The following ZNF692 variants were observed in gnomAD, a reference collection of about 807,000 sequenced individuals.
The protein encoded by ZNF692 is zinc finger protein 692, also known as AICAR responsive element binding protein.
ZNF692 carries 41 observed loss-of-function variants against 49.0 expected under a neutral mutation model. That is an observed-to-expected ratio of 0.84 (90% CI 0.65 to 1.08). The LOEUF (loss-of-function observed/expected upper bound fraction) is 1.08, where lower values mean the gene tolerates loss of function less well. Ranked by LOEUF, ZNF692 falls within the 50% of genes least tolerant of loss-of-function variation. The pLI, the probability that ZNF692 is intolerant of heterozygous loss-of-function variation, is 0.00. For synonymous variants in ZNF692, 288 were observed against 251.5 expected (o/e 1.15, Z -1.37); for missense variants, 662 against 662.2 (o/e 1.00, Z 0.00).
In ZNF692 at chr1:248,857,385, C is replaced by T. The variant is rs763342485; in HGVS notation, c.324G>A (p.Gly108=). The change falls in exon 4 of 12, where the codon GGG becomes GGA. Residue 108 remains glycine (G), a synonymous_variant. Coordinates refer to ENST00000306601, the MANE Select transcript of ZNF692 (RefSeq NM_017865.4). The part of the protein sequence containing the change: ...PGLRGPGGQD[G]GLVWECSAGH... ...CTGCTGAGCACTCCCACACAAGCCC[C>T]CCATCTTGGCCGCCAGGCCCCCGAA... 20 of 1,614,168 alleles carry T rather than the reference C, an allele frequency of 1.2e-5. No homozygotes were observed. The South Asian group carries it at 1.9e-4, about 15-fold the overall frequency.
In ZNF692 at chr1:248,857,827, C is replaced by A. The variant is rs777239581; in HGVS notation, c.211+1G>T. On this transcript the variant is annotated splice_donor_variant, in intron 3 of 11. Transcript: ENST00000306601. LOFTEE classifies it high-confidence loss of function. ...CTCACCCCCTGCCATCCCCTACCTA[C>A]CTGCACAGAGGACACAGCCTGAAGA... The A allele has an allele frequency of 1.2e-6, 2 of 1,614,026 alleles. No homozygotes were observed. Among genetic ancestry groups the A allele is most frequent in the East Asian group, 4.5e-5 (2 of 44,880 alleles).
intron 9 of ZNF692, chr1:248,854,313 C>T (rs1473197907): frequency 7.2e-6 from 3 of 417,516 alleles, no homozygotes; most frequent in East Asian, 8.9e-5. Context: ...ATCTCACCTC[C>T]TTGTCACACT....
At chr1:248,853,613 T>C (rs1251859870) in intron 10 of ZNF692, among the ~76,000 whole-genome samples, 1 of 152,248 alleles carries the variant, frequency 6.6e-6, no homozygotes, top group Admixed American at 6.5e-5. Context: ...AACTCCTCCT[T>C]ATGCTCTCCT....
At chr1:248,851,832 T>A (rs1659636671) in intron 10 of ZNF692, among the ~76,000 whole-genome samples, 1 of 152,226 alleles carries the variant, frequency 6.6e-6, no homozygotes, top group African/African-American at 2.4e-5. Context: ...ACATCCTGGT[T>A]CATGCCAGGG....
chr1:248,857,484 CA>C lies in ZNF692; in HGVS notation c.224del (p.Leu75CysfsTer52). ...GCVLCAGPEP[L>X]PPKGLQYLVL... ...CCAGATACTGCAGACCTTTTGGAGG[CA>C]AAGGCTCAGGACCTGGAGGGGTGGG... is the stretch of plus-strand genomic sequence containing the variant. On this transcript the variant is annotated frameshift_variant, in exon 4 of 12. Transcript: ENST00000306601. LOFTEE classifies it high-confidence loss of function. 6.2e-7 allele frequency: 1 copy of C among 1,613,168 alleles called. No homozygotes were observed. Among genetic ancestry groups the C allele is most frequent in the Non-Finnish European group, 8.5e-7 (1 of 1,179,646 alleles).
At position 248,855,261 on chromosome 1, in the gene ZNF692, G is replaced by A. The variant is rs78435568; in HGVS notation, c.1038+119C>T. On this transcript the variant is annotated intron_variant, in intron 9 of 11. Transcript: ENST00000306601. The stretch of plus-strand genomic sequence containing the variant: ...GGACCAAAAGACTTTATACATGTCA[G>A]GTACCCTCTGCTTCCTGGTTCTGAA... 2.2e-3 allele frequency: 1,998 copies of A among 925,020 alleles called. 33 individuals are homozygous for A. In the African/African-American group the frequency reaches 0.029, roughly 13 times the overall value. 57.3% of individuals were successfully genotyped at this position (925,020 alleles called of 1,614,324 possible).
chr1:248,858,684 T>C lies in ZNF692; in HGVS notation c.-13+234A>G. ...TTCATCTTGAATAGGGCAGCGGCCT[T>C]TACTGGTTTCTAGGGGAAGGAAAGG... On this transcript the variant is annotated intron_variant, in intron 1 of 11. Transcript: ENST00000306601. This position sits in a 1 kb window ranked among gnomAD's most constrained non-coding sequence, Gnocchi z 4.3. 1 of 878,802 alleles carries C rather than the reference T, an allele frequency of 1.1e-6. No homozygotes were observed. The highest frequency in any genetic ancestry group is 3.1e-4 in the Middle Eastern group (1 of 3,210). 54.4% of individuals were successfully genotyped at this position (878,802 alleles called of 1,614,324 possible). A position where few individuals can be genotyped will look rare whatever the true frequency, so the allele number is the denominator to read the frequency against.
intron 9 of ZNF692, chr1:248,854,297 T>C: frequency 2.2e-6 from 1 of 452,488 alleles, no homozygotes; most frequent in South Asian, 2.6e-5. Context: ...GTGCTTTACT[T>C]CCATTATCTC....
chr1:248,852,917 C>T (rs1322680913), intron 10 of ZNF692, among the ~76,000 whole-genome samples: 2 of 152,168 alleles, frequency 1.3e-5, no homozygotes, highest in Admixed American at 6.6e-5. Flanking sequence ...TCATGACCCA[C>T]ACATTTATAT....
chr1:248,857,902 C>A, intron 2 of ZNF692, 43 bp from the exon 3 acceptor site: 7 of 1,608,774 alleles, frequency 4.4e-6, no homozygotes, highest in Non-Finnish European at 5.9e-6. Context: ...AGGTGGCCAG[C>A]CACCCTCAGC....
At chr1:248,850,537 G>T in intron 11 of ZNF692, 21 bp from the exon 12 acceptor site, 3 of 1,596,088 alleles carry the variant, frequency 1.9e-6, no homozygotes, top group Non-Finnish European at 1.7e-6. Flanking sequence ...GGACAGAAGA[G>T]GGAAGGAACA....
Position 248,855,601 on chromosome 1 carries a change from C to G in ZNF692, c.916G>C (p.Ala306Pro). The G allele has an allele frequency of 6.2e-7, 1 of 1,614,188 alleles. No homozygotes were observed. The highest frequency in any genetic ancestry group is 1.1e-5 in the South Asian group (1 of 91,080). ...ATTTGTGCAGTGTCCTCATCCCAGG[C>G]CGGGGTTGGAGCAGACTGGGCCTGA... is the stretch of plus-strand genomic sequence containing the variant. The part of the protein sequence containing the change: ...GSQAQSAPTP[A>P]WDEDTAQIGP... The change falls in exon 8 of 12, where the codon GCC (alanine) becomes CCC (proline). Residue 306 changes from alanine to proline, a missense_variant. Ala to Pro is a conservative substitution (Grantham distance 27). Coordinates refer to ENST00000306601, the MANE Select transcript of ZNF692 (RefSeq NM_017865.4).
chr1:248,851,554 AAC>A (rs1659596966), intron 10 of ZNF692, among the ~76,000 whole-genome samples: 1 of 151,754 alleles, frequency 6.6e-6, no homozygotes, highest in Non-Finnish European at 1.5e-5. Context: ...AGACCACACA[AAC>A]ACACACCTGC....
Position 248,850,443 on chromosome 1 carries a change from C to T in ZNF692, c.1327G>A (p.Val443Met). 2 of 1,613,936 alleles carry T rather than the reference C, an allele frequency of 1.2e-6. No homozygotes were observed. Among genetic ancestry groups the T allele is most frequent in the South Asian group, 1.1e-5 (1 of 91,056 alleles). ...NWHQRKHAET[V>M]AALRFPCEFC... ...TCACAGGGGAAGCGCAAGGCAGCCACCGTCTCTGCATGCTTGCGCTGGTGC... is the reference window on the plus strand; with the variant it reads ...TCACAGGGGAAGCGCAAGGCAGCCATCGTCTCTGCATGCTTGCGCTGGTGC... Residue 443 changes from valine to methionine, a missense_variant, in exon 12 of 12, where the codon GTG becomes ATG. Val to Met is a conservative substitution (Grantham distance 21). Coordinates refer to ENST00000306601, the MANE Select transcript of ZNF692 (RefSeq NM_017865.4).
chr1:248,858,095 G>C lies in ZNF692; in HGVS notation c.179+36C>G. ...AGAGGAGGCTAGGGGCTGCTGCCTG[G>C]GTACCCTCCCCCAAGCCCTTCTCCC... On this transcript the variant is annotated intron_variant, in intron 2 of 11. Transcript: ENST00000306601. The surrounding 1 kb of genome is among the most constrained non-coding windows in gnomAD (Gnocchi z 4.3). 1 of 1,551,946 alleles carries C rather than the reference G, an allele frequency of 6.4e-7. No homozygotes were observed. The highest frequency in any genetic ancestry group is 8.7e-7 in the Non-Finnish European group (1 of 1,152,532).
rs1246125594 is a variant in ZNF692, at chr1:248,850,790, A to G, written c.1154-9T>C. 2 of 1,613,816 alleles carry G rather than the reference A, an allele frequency of 1.2e-6. No homozygotes were observed. The highest frequency in any genetic ancestry group is 1.7e-6 in the Non-Finnish European group (2 of 1,179,856). On this transcript the variant is annotated splice_polypyrimidine_tract_variant and intron_variant, in intron 10 of 11. Coordinates refer to ENST00000306601, the MANE Select transcript of ZNF692 (RefSeq NM_017865.4). ...GATGTAGTCCCGGGTGTCTGCAGGC[A>G]TATGAGGGACACTCCAGCATCTGCC...
chr1:248,856,211 A>G, intron 6 of ZNF692, 77 bp downstream of exon 6: 3 of 1,524,326 alleles, frequency 2.0e-6, no homozygotes, highest in Non-Finnish European at 2.6e-6. Flanking sequence ...CCTTCCCTCT[A>G]GTCTGCAAAG....
chr1:248,857,611 G>A lies in ZNF692; in HGVS notation c.212-114C>T, dbSNP rs909379666. 4.7e-6 allele frequency: 7 copies of A among 1,498,248 alleles called. No individual in the cohort carries two copies. The African/African-American group carries it at 7.0e-5, about 15-fold the overall frequency. The allele number at this position is 1,498,248 out of a possible 1,614,324, so 92.8% of individuals were successfully genotyped here. A position where few individuals can be genotyped will look rare whatever the true frequency, so the allele number is the denominator to read the frequency against. ...AAACCCCAGGGCAACCTCAGCCCCA[G>A]TCCAATTTATCATTCTTCAGAACCT... On this transcript the variant is annotated intron_variant, in intron 3 of 11. Coordinates refer to ENST00000306601, the MANE Select transcript of ZNF692 (RefSeq NM_017865.4).
intron 4 of ZNF692, among the ~76,000 whole-genome samples, chr1:248,856,985 G>A (rs115565844): frequency 1.3e-5 from 2 of 152,050 alleles, no homozygotes; most frequent in Non-Finnish European, 2.9e-5. Flanking sequence ...TCATACATTC[G>A]CAAGTACTTA....
Sources: allele counts gnomAD v4.1 joint callset (sites outside exome capture counted in the v4.1 genomes callset), GRCh38; gene constraint gnomAD v4.1.1; non-coding constraint Gnocchi (gnomAD v3.1); transcripts MANE v1.5; gene names NCBI Gene and HGNC (gene_info 2026-07-23, HGNC 2026-07-21).